CYP19A1: variants seen among roughly 807,000 people sequenced by gnomAD.
The protein encoded by CYP19A1 is aromatase.
In CYP19A1, 32 loss-of-function variants were observed where a neutral mutation model predicts 44.4. The observed-to-expected ratio is 0.72, with a 90% CI of 0.54 to 0.97. CYP19A1 has a LOEUF of 0.97. CYP19A1 is among the 50% of genes least tolerant of loss of function. CYP19A1 has a pLI of 0.00. For missense variants in CYP19A1, 598 were observed against 637.8 expected (o/e 0.94, Z 0.67); for synonymous variants, 212 against 215.6 (o/e 0.98, Z 0.14).
intron 1 of CYP19A1, among the ~76,000 whole-genome samples, chr15:51,317,603 A>G (rs1325781103): frequency 2.0e-5 from 3 of 152,180 alleles, no homozygotes. Context: ...AGAATGCAAG[A>G]ACATTCTGTC....
chr15:51,256,663 A>G (rs2034527688), intron 1 of CYP19A1, among the ~76,000 whole-genome samples: 3 of 152,226 alleles, frequency 2.0e-5, no homozygotes, highest in Non-Finnish European at 2.9e-5. Context: ...CTCACATTCT[A>G]TAACCGGGTA....
chr15:51,220,517 T>C (rs952809125), intron 5 of CYP19A1, among the ~76,000 whole-genome samples: 2 of 152,174 alleles, frequency 1.3e-5, no homozygotes, highest in Non-Finnish European at 2.9e-5. Flanking sequence ...TGAACACTGG[T>C]GTAAGTTAAT....
chr15:51,294,609 C>T (rs1339859870), intron 1 of CYP19A1, among the ~76,000 whole-genome samples: 2 of 149,558 alleles, frequency 1.3e-5, no homozygotes, highest in African/African-American at 2.5e-5. Context: ...GCCCGGCCAG[C>T]TGCCCTGTCC....
At chr15:51,238,397 C>G (rs2033540071) in intron 2 of CYP19A1, among the ~76,000 whole-genome samples, 1 of 152,172 alleles carries the variant, frequency 6.6e-6, no homozygotes, top group Non-Finnish European at 1.5e-5. Flanking sequence ...ATATTTATAG[C>G]TTGGCACATT....
chr15:51,269,810 G>A (rs4774584), intron 1 of CYP19A1, among the ~76,000 whole-genome samples: 66,400 of 151,972 alleles, frequency 0.44, 14,659 homozygotes, highest in African/African-American at 0.46. Context: ...CACACAACTC[G>A]CCCTTCCCTC....
At chr15:51,237,161 CAAAA>C in intron 2 of CYP19A1, 152 bp from the exon 3 acceptor site, 3 of 848,098 alleles carry the variant, frequency 3.5e-6, no homozygotes, top group Admixed American at 4.7e-5. Context: ...TGAAACAAAA[CAAAA>C]CAAAACAAAA....
At chr15:51,211,870 G>C (rs1015209816) in intron 9 of CYP19A1, among the ~76,000 whole-genome samples, 1 of 152,180 alleles carries the variant, frequency 6.6e-6, no homozygotes, top group African/African-American at 2.4e-5. Flanking sequence ...GGGGCCATTT[G>C]ATGAGCCAAA....
At chr15:51,244,184 T>C (rs941359169) in intron 1 of CYP19A1, among the ~76,000 whole-genome samples, 3 of 152,248 alleles carry the variant, frequency 2.0e-5, no homozygotes, top group African/African-American at 2.4e-5. Context: ...CGGCACATTC[T>C]AGTGGAGAAA....
rs529144661 is a variant in CYP19A1 at position 51,305,603 on chromosome 15, C to T, written c.-39+32892G>A. Among the ~76,000 whole-genome samples the T allele has an allele frequency of 3.3e-5, 5 of 152,254 alleles. No homozygotes were observed. In the East Asian group the frequency reaches 9.7e-4, roughly 29 times the overall value. On this transcript the variant is annotated intron_variant, in intron 1 of 9. Coordinates refer to ENST00000396402, the MANE Select transcript of CYP19A1 (RefSeq NM_000103.4). ...TGAGACAGAGTCTCACTCTGTCGCCCAGGATGGAGTGCAATGGTGCAATCT... is the reference window on the plus strand; with the variant it reads ...TGAGACAGAGTCTCACTCTGTCGCCTAGGATGGAGTGCAATGGTGCAATCT...
intron 3 of CYP19A1, among the ~76,000 whole-genome samples, chr15:51,236,193 A>G (rs923838595): frequency 6.6e-6 from 1 of 152,204 alleles, no homozygotes; most frequent in African/African-American, 2.4e-5. Context: ...AAAGTCATAA[A>G]TGGGAAAGCA....
chr15:51,282,901 G>A (rs776833669), intron 1 of CYP19A1, among the ~76,000 whole-genome samples: 6 of 147,300 alleles, frequency 4.1e-5, no homozygotes, highest in South Asian at 2.1e-4. Context: ...ATTATGAAGA[G>A]TGGGGGTGAA....
chr15:51,288,356 C>G (rs538495908), intron 1 of CYP19A1, among the ~76,000 whole-genome samples: 1 of 152,164 alleles, frequency 6.6e-6, no homozygotes, highest in Non-Finnish European at 1.5e-5. Flanking sequence ...CGCCCACCCC[C>G]CATAGTCCAC....
intron 1 of CYP19A1, among the ~76,000 whole-genome samples, chr15:51,270,536 TG>T (rs1304029063): frequency 6.6e-6 from 1 of 152,208 alleles, no homozygotes; most frequent in Non-Finnish European, 1.5e-5. Context: ...AACCAGCCAC[TG>T]TTCTAGGGAA....
In CYP19A1 at chr15:51,246,985, G is replaced by A. The variant is rs538124607; in HGVS notation, c.-38-4035C>T. Among the ~76,000 whole-genome samples, 4 of 152,242 alleles carry A rather than the reference G, an allele frequency of 2.6e-5. No homozygotes were observed. The South Asian group carries it at 6.2e-4, about 24-fold the overall frequency. ...CCTGATCGCACCAAAACCTGTCTCT[G>A]AGAGCTGACACGTGACCTTACTACT... On this transcript the variant is annotated intron_variant, in intron 1 of 9. Coordinates refer to ENST00000396402, the MANE Select transcript of CYP19A1 (RefSeq NM_000103.4).
intron 1 of CYP19A1, among the ~76,000 whole-genome samples, chr15:51,265,899 G>A (rs570997797): frequency 2.6e-5 from 4 of 152,218 alleles, no homozygotes; most frequent in South Asian, 2.1e-4. Context: ...AGCTTCATTC[G>A]GATCCCTGGA....
intron 1 of CYP19A1, among the ~76,000 whole-genome samples, chr15:51,247,928 T>C (rs890497292): frequency 2.0e-5 from 3 of 152,132 alleles, no homozygotes; most frequent in Non-Finnish European, 2.9e-5. Context: ...TTCTGGCTTA[T>C]ATGTTAATTT....
chr15:51,328,600 G>A (rs190703507), intron 1 of CYP19A1, among the ~76,000 whole-genome samples: 53 of 151,196 alleles, frequency 3.5e-4, no homozygotes, highest in South Asian at 6.3e-4. Context: ...GTGTGTGTAC[G>A]TTAAGTGTGA....
At chr15:51,285,965 C>T (rs545470091) in intron 1 of CYP19A1, among the ~76,000 whole-genome samples, 79 of 152,328 alleles carry the variant, frequency 5.2e-4, no homozygotes, top group African/African-American at 1.8e-3. Flanking sequence ...CACTCCTAAA[C>T]ACCTTACTTG....
chr15:51,304,668 T>C (rs1277628548), intron 1 of CYP19A1, among the ~76,000 whole-genome samples: 2 of 152,212 alleles, frequency 1.3e-5, no homozygotes, highest in African/African-American at 4.8e-5. Context: ...TTGAAGTTAT[T>C]CTTAGAAAGT....
Sources: allele counts gnomAD v4.1 joint callset (sites outside exome capture counted in the v4.1 genomes callset), GRCh38; gene constraint gnomAD v4.1.1; transcripts MANE v1.5; gene names NCBI Gene and HGNC (gene_info 2026-07-23, HGNC 2026-07-21).